Variants in ADGRL2 observed in about 807,000 individuals in gnomAD.
ADGRL2 encodes calcium-independent alpha-latrotoxin receptor 2.
ADGRL2 carries 44 observed loss-of-function variants against 157.4 expected under a neutral mutation model. The ratio of observed to expected loss-of-function variants is 0.28; its 90% confidence interval spans 0.22 to 0.36. The LOEUF (loss-of-function observed/expected upper bound fraction) is 0.36, where lower values mean the gene tolerates loss of function less well. Ranked by LOEUF, ADGRL2 falls within the 10% of genes least tolerant of loss-of-function variation. The pLI is 1.00. For synonymous variants in ADGRL2, 585 were observed against 624.7 expected, an observed-to-expected ratio of 0.94 and a Z score of 0.95; for missense variants, 1,510 against 1,768.9, an observed-to-expected ratio of 0.85 and a Z score of 2.63.
chr1:81,887,399 A>C (rs2094150334), intron 2 of ADGRL2, among the ~76,000 whole-genome samples: 1 of 152,222 alleles, frequency 6.6e-6, no homozygotes, highest in Non-Finnish European at 1.5e-5. Flanking sequence ...ACCCATTATC[A>C]GTTTGTAAGC....
chr1:81,962,248 T>C (rs192998599), intron 11 of ADGRL2, among the ~76,000 whole-genome samples: 5 of 152,320 alleles, frequency 3.3e-5, no homozygotes, highest in Admixed American at 3.3e-4. Flanking sequence ...TACGTTATTG[T>C]TTTAATTTAC....
chr1:81,969,950 A>G (rs1316052683), intron 15 of ADGRL2, among the ~76,000 whole-genome samples: 1 of 152,204 alleles, frequency 6.6e-6, no homozygotes, highest in African/African-American at 2.4e-5. Context: ...CAACACTTTT[A>G]AAGACTTGTG....
At chr1:81,564,327 C>T (rs149345525) in intron 2 of ADGRL2, among the ~76,000 whole-genome samples, 3,777 of 152,296 alleles carry the variant, frequency 0.025, 75 homozygotes, top group East Asian at 0.038. Flanking sequence ...TTCTCTAAGT[C>T]AGGCCTCTCA....
intron 3 of ADGRL2, among the ~76,000 whole-genome samples, chr1:81,924,447 G>A (rs527239517): frequency 1.3e-5 from 2 of 152,078 alleles, no homozygotes; most frequent in Non-Finnish European, 2.9e-5. Flanking sequence ...CATAGAAAAG[G>A]TTGCCTCTGT....
chr1:81,419,001 AATG>A (rs1490645720), intron 1 of ADGRL2, among the ~76,000 whole-genome samples: 1 of 152,134 alleles, frequency 6.6e-6, no homozygotes, highest in Non-Finnish European at 1.5e-5. Context: ...TTTTTCCACA[AATG>A]ATGAGGAGGC....
chr1:81,586,124 T>C (rs2081020551), intron 3 of ADGRL2: 1 of 152,116 alleles, frequency 6.6e-6, no homozygotes, highest in Admixed American at 6.6e-5. Flanking sequence ...TTATTATTAA[T>C]GTCTTGTTTC....
At chr1:81,345,188 T>C (rs752101815) in intron 1 of ADGRL2, among the ~76,000 whole-genome samples, 1 of 152,194 alleles carries the variant, frequency 6.6e-6, no homozygotes, top group Admixed American at 6.5e-5. Context: ...AGAACTCACA[T>C]AGTATCTTTC....
intron 5 of ADGRL2, among the ~76,000 whole-genome samples, 194 bp downstream of exon 5, chr1:81,942,239 T>A (rs1648289241): frequency 6.6e-6 from 1 of 151,898 alleles, no homozygotes; most frequent in Non-Finnish European, 1.5e-5. Context: ...GTAAAAATTC[T>A]GAAGTCGGCG....
chr1:81,810,078 T>A (rs900657436), intron 1 of ADGRL2, among the ~76,000 whole-genome samples: 3 of 151,934 alleles, frequency 2.0e-5, no homozygotes, highest in Admixed American at 6.6e-5. Context: ...TTGTTTTGAC[T>A]AATGCTTTCT....
intron 2 of ADGRL2, among the ~76,000 whole-genome samples, chr1:81,767,010 C>G (rs761161469): frequency 2.0e-5 from 3 of 152,038 alleles, no homozygotes; most frequent in Non-Finnish European, 4.4e-5. Context: ...TGAATTTTCT[C>G]TATCCCTTGC....
intron 1 of ADGRL2, among the ~76,000 whole-genome samples, chr1:81,320,699 T>C (rs893430809): frequency 6.6e-6 from 1 of 152,228 alleles, no homozygotes; most frequent in Non-Finnish European, 1.5e-5. Flanking sequence ...GCTTAAAATA[T>C]TCAGTAAACC....
intron 1 of ADGRL2, among the ~76,000 whole-genome samples, chr1:81,743,122 T>C (rs561159810): frequency 6.6e-6 from 1 of 152,150 alleles, no homozygotes; most frequent in Admixed American, 6.6e-5. Flanking sequence ...GCTAGCCTTT[T>C]ACAGAGTAAA....
chr1:81,926,116 A>C (rs1377009114), intron 3 of ADGRL2, among the ~76,000 whole-genome samples: 1 of 152,008 alleles, frequency 6.6e-6, no homozygotes, highest in Non-Finnish European at 1.5e-5. Flanking sequence ...ATAAGGGTGA[A>C]AATATTTCTT....
intron 2 of ADGRL2, among the ~76,000 whole-genome samples, chr1:81,539,175 C>T (rs2148311065): frequency 6.6e-6 from 1 of 152,222 alleles, no homozygotes; most frequent in South Asian, 2.1e-4. Context: ...GTTTGAAAGT[C>T]ATGATAGATA....
chr1:81,931,376 G>A (rs1003043881), intron 3 of ADGRL2, among the ~76,000 whole-genome samples: 2 of 152,140 alleles, frequency 1.3e-5, no homozygotes, highest in African/African-American at 4.8e-5. Context: ...TTCTCAGGTT[G>A]AGTGTTGTAC....
At position 81,993,073 on chromosome 1, in the gene ADGRL2, ATATATATATATATATTTTTTT is replaced by A. The variant is rs1664845773; in HGVS notation, c.*1930_*1950del. The stretch of plus-strand genomic sequence containing the variant: ...ATATAATATACATATATATATATAT[ATATATATATATATATTTTTTT>A]TTTTTTTTTTTTTTTTTTTTTTTTT... On this transcript the variant is annotated 3_prime_UTR_variant, in exon 24 of 24. Transcript: ENST00000686636. 3.2e-5 allele frequency among the ~76,000 whole-genome samples: 1 copy of A among 31,064 alleles called. No individual in the cohort carries two copies. The highest frequency in any genetic ancestry group is 2.0e-4 in the African/African-American group (1 of 4,918). 20.4% of individuals were successfully genotyped at this position (31,064 alleles called of 152,430 possible).
chr1:81,712,756 T>G lies in ADGRL2; in HGVS notation c.-143+12948T>G, dbSNP rs933161401. ...AGCACCAATTTACCTGGATCGCGGA[T>G]TTTTTTTTTTTTTTTTTTTTTTTTG... is the stretch of plus-strand genomic sequence containing the variant. On this transcript the variant is annotated intron_variant, in intron 1 of 20. Coordinates refer to the ADGRL2 transcript ENST00000359929. 4.2e-4 allele frequency among the ~76,000 whole-genome samples: 10 copies of G among 23,610 alleles called. No homozygotes were observed. The East Asian group carries it at 4.2e-3, about 10-fold the overall frequency. 15.5% of individuals were successfully genotyped at this position (23,610 alleles called of 152,430 possible).
chr1:81,718,194 A>G (rs141739974), intron 1 of ADGRL2, among the ~76,000 whole-genome samples: 2,929 of 152,142 alleles, frequency 0.019, 42 homozygotes, highest in South Asian at 0.052. Flanking sequence ...TAATTTTTGT[A>G]TTTTTAGTAG....
rs80217621 is a variant in ADGRL2, at chr1:81,454,445, C to A, written c.-248+9356C>A. Among the ~76,000 whole-genome samples, 119 of 152,168 alleles carry A rather than the reference C, an allele frequency of 7.8e-4. 1 individual carries two copies. In the East Asian group the frequency reaches 0.017, roughly 21 times the overall value. On this transcript the variant is annotated intron_variant, in intron 2 of 24. Transcript: ENST00000370721. ...ATCATCTTTGTATTGATTTTTATAT[C>A]TTTAATAACCACTCCACAGAAGATG...
Sources: gnomAD v4.1 joint callset for allele counts (sites outside exome capture counted in the v4.1 genomes callset) on GRCh38, gnomAD v4.1.1 for gene constraint, MANE v1.5 for transcripts, NCBI Gene and HGNC (gene_info 2026-07-23, HGNC 2026-07-21) for gene names.